PTPRK: variants seen among roughly 807,000 people sequenced by gnomAD.
PTPRK encodes the protein protein tyrosine phosphatase receptor type K.
Under a neutral mutation model 178.0 loss-of-function variants are expected in PTPRK, and 75 were observed. The ratio of observed to expected loss-of-function variants is 0.42; its 90% CI spans 0.35 to 0.51. The LOEUF is 0.51. Among genes scored for constraint, PTPRK ranks in the 20% least tolerant of loss-of-function variants. PTPRK has a pLI of 0.02. For synonymous variants in PTPRK, 637 were observed against 620.6 expected (o/e 1.03, Z -0.39); for missense variants, 1,441 against 1,797.8 (o/e 0.80, Z 3.59).
At chr6:127,973,258 T>C in intron 28 of PTPRK, 101 bp from the exon 29 acceptor site, 7 of 1,532,580 alleles carry the variant, frequency 4.6e-6, no homozygotes, top group Non-Finnish European at 6.1e-6. Flanking sequence ...GTAGTTTTAA[T>C]TGTTTTCCAT....
intron 1 of PTPRK, among the ~76,000 whole-genome samples, chr6:128,423,420 G>A (rs1843725699): frequency 6.6e-6 from 1 of 152,116 alleles, no homozygotes; most frequent in Non-Finnish European, 1.5e-5. Flanking sequence ...CTATGTGTGA[G>A]TGTGAGTGTG....
intron 5 of PTPRK, among the ~76,000 whole-genome samples, chr6:128,226,778 A>C (rs1583574232): frequency 7.6e-6 from 1 of 131,564 alleles, no homozygotes; most frequent in Non-Finnish European, 1.5e-5. Flanking sequence ...ATATATATAT[A>C]TATATATATA....
chr6:128,194,070 T>TATATATATA (rs1222166687), intron 6 of PTPRK, among the ~76,000 whole-genome samples: 1 of 131,302 alleles, frequency 7.6e-6, no homozygotes, highest in African/African-American at 3.2e-5. Flanking sequence ...ATATATATTA[T>TATATATATA]TATTATTATT....
chr6:128,151,717 T>C (rs1452238876), intron 7 of PTPRK, among the ~76,000 whole-genome samples: 1 of 152,018 alleles, frequency 6.6e-6, no homozygotes, highest in African/African-American at 2.4e-5. Context: ...GAAAATTAGA[T>C]TTAACTACTA....
chr6:128,129,161 G>A (rs79926709), intron 7 of PTPRK, among the ~76,000 whole-genome samples: 2,302 of 152,242 alleles, frequency 0.015, 55 homozygotes, highest in African/African-American at 0.053. Flanking sequence ...AAGTTGGCTT[G>A]TAATTCTGAC....
chr6:128,079,020 C>G, intron 10 of PTPRK, 102 bp from the exon 11 acceptor site: 1 of 647,140 alleles, frequency 1.5e-6, no homozygotes, highest in Non-Finnish European at 2.6e-6. Flanking sequence ...AAAAAATTCA[C>G]CTAATTATCT....
intron 1 of PTPRK, among the ~76,000 whole-genome samples, chr6:128,451,618 G>T (rs1248042687): frequency 6.6e-6 from 1 of 151,888 alleles, no homozygotes; most frequent in Non-Finnish European, 1.5e-5. Context: ...AAAAGCCTCG[G>T]TAAATTTTTT....
chr6:128,352,792 T>C (rs1271338925), intron 2 of PTPRK, among the ~76,000 whole-genome samples: 1 of 152,196 alleles, frequency 6.6e-6, no homozygotes, highest in Non-Finnish European at 1.5e-5. Context: ...TGACTGCAAA[T>C]AGTCTTCACT....
chr6:128,194,330 C>G (rs1354929482), intron 6 of PTPRK, among the ~76,000 whole-genome samples: 1 of 152,026 alleles, frequency 6.6e-6, no homozygotes, highest in Admixed American at 6.6e-5. Flanking sequence ...TCGTGATCCA[C>G]CCGCCTCAGC....
Position 127,985,839 on chromosome 6 carries a change from G to T in PTPRK, c.3133C>A (p.His1045Asn). The T allele has an allele frequency of 6.2e-7, 1 of 1,613,328 alleles. No individual in the cohort carries two copies. The highest frequency in any genetic ancestry group is 8.5e-7 in the Non-Finnish European group (1 of 1,179,386). Residue 1045 changes from histidine (H) to asparagine (N), a missense_variant, in exon 22 of 30, where the codon CAT becomes AAT. This residue lies in a region of PTPRK where 335 missense variants were observed against 512.4 expected (regional missense o/e 0.65). Transcript: ENST00000368226. ...CCATGGTCAGGCCAGCCCGTGAAAT[G>T]GAACTGTTTAACTTCACGGATTTCA... is the stretch of plus-strand genomic sequence containing the variant. The part of the protein sequence containing the change: ...YNEIREVKQF[H>N]FTGWPDHGVP...
chr6:128,427,780 G>C (rs1374550043), intron 1 of PTPRK, among the ~76,000 whole-genome samples: 1 of 152,096 alleles, frequency 6.6e-6, no homozygotes, highest in African/African-American at 2.4e-5. Context: ...ACGACCATCA[G>C]CTAGCAAGAC....
Position 128,240,106 on chromosome 6 carries a change from C to T in PTPRK, c.622G>A (p.Ala208Thr). 6.2e-7 allele frequency: 1 copy of T among 1,614,066 alleles called. No homozygotes were observed. Among genetic ancestry groups the T allele is most frequent in the Non-Finnish European group, 8.5e-7 (1 of 1,179,944 alleles). Residue 208 changes from alanine to threonine, a missense_variant, in exon 5 of 30, where the codon GCA (alanine) becomes ACA (threonine). Ala to Thr is a moderately conservative substitution (Grantham distance 58). Transcript: ENST00000368226. ...CACTGAAATGTAGCGTTTTGCCCTG[C>T]ATTCACCTCTACATCCCCTAGACGG... Reference protein sequence around the residue: ...FLRLGDVEVNAGQNATFQCIA... With the variant: ...FLRLGDVEVNTGQNATFQCIA...
At chr6:128,305,418 G>C (rs550396646) in intron 3 of PTPRK, among the ~76,000 whole-genome samples, 100 of 152,226 alleles carry the variant, frequency 6.6e-4, no homozygotes, top group Admixed American at 1.7e-3. Context: ...CTTTCACTAT[G>C]ACTCGCCTTG....
intron 7 of PTPRK, among the ~76,000 whole-genome samples, chr6:128,116,671 T>C (rs925473476): frequency 6.6e-6 from 1 of 152,200 alleles, no homozygotes; most frequent in Admixed American, 6.5e-5. Flanking sequence ...GTGGAATTTG[T>C]TATATTCCAA....
intron 1 of PTPRK, among the ~76,000 whole-genome samples, chr6:128,443,313 AAGG>A (rs1382125552): frequency 3.9e-5 from 6 of 152,012 alleles, no homozygotes; most frequent in Non-Finnish European, 8.8e-5. Context: ...GAGACGTAAG[AAGG>A]AGATGAGGGA....
At chr6:128,128,199 A>G (rs1793676433) in intron 7 of PTPRK, among the ~76,000 whole-genome samples, 1 of 152,178 alleles carries the variant, frequency 6.6e-6, no homozygotes, top group Non-Finnish European at 1.5e-5. Flanking sequence ...CACTAATTTC[A>G]TTTTTTAAAG....
At chr6:128,274,084 T>C (rs1029202972) in intron 3 of PTPRK, among the ~76,000 whole-genome samples, 6 of 152,230 alleles carry the variant, frequency 3.9e-5, no homozygotes, top group Admixed American at 2.6e-4. Context: ...GGTACAGATT[T>C]TTCCTCTTCA....
intron 3 of PTPRK, among the ~76,000 whole-genome samples, chr6:128,306,210 T>G (rs1413482568): frequency 6.6e-6 from 1 of 152,200 alleles, no homozygotes; most frequent in African/African-American, 2.4e-5. Context: ...AAGGAAAATA[T>G]AAGAATCTGT....
At chr6:128,509,015 C>T (rs1484493405) in intron 1 of PTPRK, among the ~76,000 whole-genome samples, 2 of 151,732 alleles carry the variant, frequency 1.3e-5, no homozygotes, top group Non-Finnish European at 2.9e-5. Context: ...TTTTAAATTA[C>T]ACACCCTTCT....
Sources: gnomAD v4.1 joint callset for allele counts (sites outside exome capture counted in the v4.1 genomes callset) on GRCh38, gnomAD v4.1.1 for gene constraint, gnomAD v4.1.1 regional missense constraint, MANE v1.5 for transcripts, NCBI Gene and HGNC (gene_info 2026-07-23, HGNC 2026-07-21) for gene names.